The following GTF2F2 variants were observed in gnomAD, a reference collection of about 807,000 sequenced individuals.
GTF2F2 encodes the protein general transcription factor IIF subunit 2.
In GTF2F2, 23 loss-of-function variants were observed where a neutral mutation model predicts 42.2. That is an observed-to-expected ratio of 0.55 (90% CI 0.39 to 0.77). The LOEUF (loss-of-function observed/expected upper bound fraction) is 0.77. Ranked by LOEUF, GTF2F2 falls within the 30% of genes least tolerant of loss-of-function variation. The pLI is 0.00. For synonymous variants in GTF2F2, 105 were observed against 100.8 expected (o/e 1.04, Z -0.25); for missense variants, 261 against 287.2 (o/e 0.91, Z 0.66).
chr13:45,191,224 A>AAAATATATATATATATATATATATAT, intron 4 of GTF2F2, among the ~76,000 whole-genome samples: 2 of 75,308 alleles, frequency 2.7e-5, no homozygotes, highest in Non-Finnish European at 4.4e-5. Flanking sequence ...ACAAAAAAAA[A>AAAATATATATATATATATATATATAT]ATATATATAT....
intron 4 of GTF2F2, among the ~76,000 whole-genome samples, chr13:45,201,592 A>T (rs1442486225): frequency 6.6e-6 from 1 of 152,160 alleles, no homozygotes; most frequent in Admixed American, 6.5e-5. Flanking sequence ...TTTTTATAGG[A>T]TGTGCTTTAT....
At chr13:45,277,551 A>G (rs1015174892) in intron 7 of GTF2F2, among the ~76,000 whole-genome samples, 14 of 152,186 alleles carry the variant, frequency 9.2e-5, no homozygotes, top group African/African-American at 1.7e-4. Flanking sequence ...TTACATTTCA[A>G]TATGATATTT....
chr13:45,267,234 T>G lies in GTF2F2; in HGVS notation c.488T>G (p.Ile163Ser). 6.2e-7 allele frequency: 1 copy of G among 1,610,228 alleles called. No homozygotes were observed. Among genetic ancestry groups the G allele is most frequent in the Non-Finnish European group, 8.5e-7 (1 of 1,177,830 alleles). Residue 163 changes from isoleucine (I) to serine (S), a missense_variant and splice_region_variant, in exon 7 of 8, where the codon ATC (isoleucine) becomes AGC (serine). Transcript: ENST00000340473. ...YKPVANHQYN[I>S]EYERKKKEDG... is the part of the protein sequence containing the mutation. ...ATTTCCTTTGCTGTTTGCATATAGA[T>G]CGAATATGAAAGGAAAAAGAAAGAA...
At chr13:45,215,406 C>A (rs7139785) in intron 5 of GTF2F2, among the ~76,000 whole-genome samples, 1 of 152,120 alleles carries the variant, frequency 6.6e-6, no homozygotes, top group East Asian at 1.9e-4. Context: ...TATAAAAATA[C>A]CTTTGGAATA....
intron 4 of GTF2F2, among the ~76,000 whole-genome samples, chr13:45,186,759 TA>T (rs143191068): frequency 0.012 from 1,814 of 152,270 alleles, 30 homozygotes; most frequent in African/African-American, 0.037. Flanking sequence ...TTAAGAACCT[TA>T]AAAATAGTTA....
At chr13:45,248,839 T>G (rs1875756797) in intron 5 of GTF2F2, among the ~76,000 whole-genome samples, 1 of 152,216 alleles carries the variant, frequency 6.6e-6, no homozygotes, top group Non-Finnish European at 1.5e-5. Flanking sequence ...TGTATCTAAG[T>G]GATCAGCCAT....
At chr13:45,125,565 G>T (rs906972035) in intron 1 of GTF2F2, among the ~76,000 whole-genome samples, 1 of 152,070 alleles carries the variant, frequency 6.6e-6, no homozygotes, top group South Asian at 2.1e-4. Context: ...TTCGTGATCT[G>T]CCCGTCTCGG....
At chr13:45,170,280 G>A (rs1012964461) in intron 4 of GTF2F2, among the ~76,000 whole-genome samples, 1 of 152,208 alleles carries the variant, frequency 6.6e-6, no homozygotes, top group Non-Finnish European at 1.5e-5. Flanking sequence ...CCAAAGTGTT[G>A]GGATTATAGG....
At chr13:45,149,688 G>GT (rs141823802) in intron 2 of GTF2F2, 82 bp from the exon 3 acceptor site, 260,371 of 1,278,494 alleles carry the variant, frequency 0.2, 22,362 homozygotes, top group African/African-American at 0.29. Context: ...TAAATATGAA[G>GT]TTTTTTTTTA....
At chr13:45,241,161 TA>T (rs1021271499) in intron 5 of GTF2F2, among the ~76,000 whole-genome samples, 3 of 138,784 alleles carry the variant, frequency 2.2e-5, no homozygotes, top group Non-Finnish European at 4.5e-5. Flanking sequence ...GACCTTGCCT[TA>T]AAAAAAAGTA....
chr13:45,160,825 G>C (rs1320453424), intron 4 of GTF2F2, among the ~76,000 whole-genome samples: 3 of 149,772 alleles, frequency 2.0e-5, no homozygotes, highest in Non-Finnish European at 3.0e-5. Context: ...ATATCTTTCA[G>C]ATACCCAAAT....
At chr13:45,212,798 G>A (rs1008090170) in intron 5 of GTF2F2, among the ~76,000 whole-genome samples, 1 of 151,978 alleles carries the variant, frequency 6.6e-6, no homozygotes, top group Non-Finnish European at 1.5e-5. Flanking sequence ...CTGGAGTGCA[G>A]TGGTGCGATC....
At chr13:45,199,128 G>C (rs184305590) in intron 4 of GTF2F2, among the ~76,000 whole-genome samples, 5 of 152,314 alleles carry the variant, frequency 3.3e-5, no homozygotes, top group South Asian at 2.1e-4. Flanking sequence ...GGACTAATAG[G>C]ACGTAACCTC....
At chr13:45,186,605 C>T (rs1464047639) in intron 4 of GTF2F2, among the ~76,000 whole-genome samples, 2 of 151,962 alleles carry the variant, frequency 1.3e-5, no homozygotes, top group Non-Finnish European at 2.9e-5. Flanking sequence ...GGCCGCCCAG[C>T]CTATTTTTAG....
intron 5 of GTF2F2, among the ~76,000 whole-genome samples, chr13:45,248,915 A>G (rs35034378): frequency 0.052 from 7,893 of 152,260 alleles, 272 homozygotes; most frequent in East Asian, 0.12. Flanking sequence ...GTGGAGACTC[A>G]TTTTTTAAAA....
chr13:45,282,751 C>T (rs891265937), intron 7 of GTF2F2, among the ~76,000 whole-genome samples: 1 of 152,156 alleles, frequency 6.6e-6, no homozygotes, highest in African/African-American at 2.4e-5. Flanking sequence ...GTGATCTGCC[C>T]ACTTCAGCCT....
intron 4 of GTF2F2, among the ~76,000 whole-genome samples, chr13:45,176,471 A>AT (rs1316822995): frequency 6.6e-6 from 1 of 152,074 alleles, no homozygotes; most frequent in Non-Finnish European, 1.5e-5. Flanking sequence ...TTTCTTGTCC[A>AT]TTTTTTATGA....
Position 45,267,368 on chromosome 13 carries a change from C to T in GTF2F2, c.622C>T (p.Gln208Ter). 1 of 1,602,060 alleles carries T rather than the reference C, an allele frequency of 6.2e-7. No individual in the cohort carries two copies. The change falls in exon 7 of 8, where the codon CAA becomes TAA. Residue 208 changes from glutamine to a stop codon, truncating the protein, a stop_gained. Coordinates refer to ENST00000340473, the MANE Select transcript of GTF2F2 (RefSeq NM_004128.3). LOFTEE classifies it high-confidence loss of function. Reference sequence around the variant, plus strand: ...TAAGGACTTGGTGGACATCACAAAGCAACCTGTGGTATGTATATGTTCATA... The same window carrying T: ...TAAGGACTTGGTGGACATCACAAAGTAACCTGTGGTATGTATATGTTCATA... ...NLKDLVDITK[Q>*]PVVYLKEILK... is the part of the protein sequence containing the mutation.
intron 7 of GTF2F2, among the ~76,000 whole-genome samples, chr13:45,279,611 A>G (rs932848016): frequency 3.9e-5 from 6 of 152,178 alleles, no homozygotes; most frequent in Non-Finnish European, 7.3e-5. Flanking sequence ...CGCAGGCACT[A>G]TAACAGGAGC....
Sources: allele counts gnomAD v4.1 joint callset (sites outside exome capture counted in the v4.1 genomes callset), GRCh38; gene constraint gnomAD v4.1.1; transcripts MANE v1.5; gene names NCBI Gene and HGNC (gene_info 2026-07-23, HGNC 2026-07-21).